The following PIWIL3 variants were observed in gnomAD, a reference collection of about 807,000 sequenced individuals.
PIWIL3 encodes piwi like RNA-mediated gene silencing 3, also known as piwi-like protein 3.
Under a neutral mutation model 109.7 loss-of-function variants are expected in PIWIL3, and 101 were observed. The observed-to-expected ratio is 0.92, with a 90% confidence interval of 0.78 to 1.09. The LOEUF (loss-of-function observed/expected upper bound fraction) is 1.09. PIWIL3 is among the 50% of genes least tolerant of loss of function. The pLI is 0.00. For missense variants in PIWIL3, 1,031 were observed against 1,072.6 expected (o/e 0.96, Z 0.54); for synonymous variants, 373 against 376.4 (o/e 0.99, Z 0.10).
At chr22:24,726,781 GA>G (rs1485172124) in intron 16 of PIWIL3, among the ~76,000 whole-genome samples, 1 of 152,090 alleles carries the variant, frequency 6.6e-6, no homozygotes. Flanking sequence ...AATATGACTG[GA>G]AAAAAGTCAT....
chr22:24,762,300 A>G, intron 2 of PIWIL3, 98 bp downstream of exon 2: 4 of 1,502,798 alleles, frequency 2.7e-6, no homozygotes, highest in Non-Finnish European at 3.5e-6. Context: ...CTCACTTAGC[A>G]CTATACCTGA....
chr22:24,759,651 A>G (rs1433023208), intron 3 of PIWIL3, among the ~76,000 whole-genome samples: 2 of 152,242 alleles, frequency 1.3e-5, no homozygotes, highest in Non-Finnish European at 2.9e-5. Flanking sequence ...GCCAATAAAC[A>G]GTGACCTCCA....
chr22:24,720,290 T>TTTTTA (rs1491484822), intron 19 of PIWIL3, among the ~76,000 whole-genome samples: 17 of 124,944 alleles, frequency 1.4e-4, no homozygotes, highest in African/African-American at 4.6e-4. Context: ...TTTTTTTTTT[T>TTTTTA]AGACGGAGTC....
intron 12 of PIWIL3, among the ~76,000 whole-genome samples, chr22:24,736,689 A>AG (rs1202095358): frequency 2.0e-5 from 3 of 151,440 alleles, no homozygotes. Context: ...CACTGAAGGT[A>AG]GGAAAAACAG....
chr22:24,774,122 T>C (rs1926290019), intron 1 of PIWIL3, among the ~76,000 whole-genome samples, 200 bp downstream of exon 1: 1 of 152,144 alleles, frequency 6.6e-6, no homozygotes, highest in African/African-American at 2.4e-5. Context: ...ATTTTAAAAC[T>C]TTTTTTCCTT....
intron 14 of PIWIL3, among the ~76,000 whole-genome samples, chr22:24,728,584 T>C (rs376142536): frequency 4.6e-5 from 7 of 152,154 alleles, no homozygotes; most frequent in East Asian, 1.9e-4. Flanking sequence ...TATTAGAAAA[T>C]TATTACATTA....
At chr22:24,740,667 G>A (rs1923954061) in intron 12 of PIWIL3, among the ~76,000 whole-genome samples, 1 of 151,956 alleles carries the variant, frequency 6.6e-6, no homozygotes, top group Non-Finnish European at 1.5e-5. Context: ...TAGAGGAGAT[G>A]GATAAATTCC....
rs372691275 is a variant in PIWIL3 at position 24,727,970 on chromosome 22, A to G, written c.1989T>C (p.Ser663=). The part of the protein sequence containing the change: ...RQKSIAGFVA[S]TNAELTKWYS... The stretch of plus-strand genomic sequence containing the variant: ...CTTACTTTGTTAATTCAGCATTGGT[A>G]CTTGCAACAAATCCTGCTATTGATT... Residue 663 remains serine, a synonymous_variant, in exon 16 of 21, where the codon AGT becomes AGC. Transcript: ENST00000616349. The G allele has an allele frequency of 6.2e-7, 1 of 1,613,040 alleles. No homozygotes were observed. The highest frequency in any genetic ancestry group is 8.5e-7 in the Non-Finnish European group (1 of 1,179,602).
chr22:24,756,461 A>C, intron 5 of PIWIL3, 30 bp downstream of exon 5: 2 of 1,581,932 alleles, frequency 1.3e-6, no homozygotes, highest in Non-Finnish European at 1.7e-6. Flanking sequence ...GAGAAAGAAC[A>C]CAGGAAAATG....
intron 14 of PIWIL3, among the ~76,000 whole-genome samples, chr22:24,728,857 G>A (rs1923154489): frequency 1.3e-5 from 2 of 152,014 alleles, no homozygotes; most frequent in South Asian, 4.2e-4. Context: ...ACAATGATCA[G>A]GACAGTCACC....
chr22:24,752,621 C>T (rs5996754), intron 8 of PIWIL3, among the ~76,000 whole-genome samples: 63,141 of 151,900 alleles, frequency 0.42, 13,330 homozygotes, highest in East Asian at 0.54. Flanking sequence ...TTCAGCTTTC[C>T]GCTCCTAAAC....
intron 14 of PIWIL3, 97 bp from the exon 15 acceptor site, chr22:24,728,471 C>A (rs1402159348): frequency 7.1e-7 from 1 of 1,404,704 alleles, no homozygotes; most frequent in African/African-American, 1.4e-5. Context: ...GGAAGACTAA[C>A]AAGCTAGAGT....
chr22:24,768,040 C>T (rs1925898582), intron 1 of PIWIL3, among the ~76,000 whole-genome samples: 8 of 152,168 alleles, frequency 5.3e-5, no homozygotes, highest in Admixed American at 4.6e-4. Flanking sequence ...CTCACATTCA[C>T]TGTCAGGTCT....
chr22:24,749,740 G>A lies in PIWIL3; in HGVS notation c.1169C>T (p.Thr390Ile). The change falls in exon 10 of 21, where the codon ACA becomes ATA. Residue 390 changes from threonine (T) to isoleucine (I), a missense_variant. Coordinates refer to ENST00000616349, the MANE Select transcript of PIWIL3 (RefSeq NM_001255975.1). The stretch of plus-strand genomic sequence containing the variant: ...AATCAGCAGGATAGGTTCACGTTGT[G>A]TACCCGTTAGGCCCTTTTTCCATCT... ...QGRWKKGLTG[T>I]QREPILLIPQ... 2 of 1,613,980 alleles carry A rather than the reference G, an allele frequency of 1.2e-6. No individual in the cohort carries two copies. Among genetic ancestry groups the A allele is most frequent in the Non-Finnish European group, 1.7e-6 (2 of 1,179,988 alleles).
intron 16 of PIWIL3, among the ~76,000 whole-genome samples, chr22:24,726,850 G>A (rs1376565732): frequency 2.0e-5 from 3 of 152,278 alleles, no homozygotes; most frequent in East Asian, 3.9e-4. Context: ...TACACCTAGT[G>A]GGCCACAATC....
At chr22:24,759,007 C>A (rs1305063190) in intron 3 of PIWIL3, among the ~76,000 whole-genome samples, 2 of 152,178 alleles carry the variant, frequency 1.3e-5, no homozygotes, top group African/African-American at 4.8e-5. Context: ...GATTCTCCTG[C>A]CTCAGCCTCC....
intron 6 of PIWIL3, 109 bp from the exon 7 acceptor site, chr22:24,754,973 T>C (rs987317581): frequency 3.6e-6 from 3 of 836,702 alleles, no homozygotes; most frequent in Non-Finnish European, 5.9e-6. Context: ...ATATTATCAA[T>C]GAACACAAAG....
intron 14 of PIWIL3, among the ~76,000 whole-genome samples, chr22:24,729,422 T>C (rs1036160227): frequency 1.3e-5 from 2 of 152,170 alleles, no homozygotes; most frequent in African/African-American, 4.8e-5. Flanking sequence ...AGTGGTTCAC[T>C]TGGCAAAGTT....
In PIWIL3 at chr22:24,774,398, T is replaced by C; in HGVS notation, c.-99A>G. ...AACCATGCACCTCCTCCAGCCATGA[T>C]GACGCCGGCCACTTCCACAGATGGA... On this transcript the variant is annotated 5_prime_UTR_variant, in exon 1 of 21. Transcript: ENST00000616349. 6.6e-6 allele frequency: 1 copy of C among 152,338 alleles called. No homozygotes were observed. The highest frequency in any genetic ancestry group is 1.9e-4 in the East Asian group (1 of 5,204). 9.4% of individuals were successfully genotyped at this position (152,338 alleles called of 1,614,324 possible). A position where few individuals can be genotyped will look rare whatever the true frequency, so the allele number is the denominator to read the frequency against.
Sources: gnomAD v4.1 joint callset for allele counts (sites outside exome capture counted in the v4.1 genomes callset) on GRCh38, gnomAD v4.1.1 for gene constraint, MANE v1.5 for transcripts, NCBI Gene and HGNC (gene_info 2026-07-23, HGNC 2026-07-21) for gene names.